The following COL20A1 variants were observed in gnomAD, a reference collection of about 807,000 sequenced individuals.
The protein encoded by COL20A1 is collagen type XX alpha 1 chain, also known as collagen alpha-1(XX) chain.
In COL20A1, 164 loss-of-function variants were observed where a neutral mutation model predicts 152.9. The observed-to-expected ratio is 1.07, with a 90% CI of 0.94 to 1.22. The LOEUF (loss-of-function observed/expected upper bound fraction) is 1.22, where lower values mean the gene tolerates loss of function less well. COL20A1 is among the 50% of genes most tolerant of loss of function. The pLI is 0.00. For missense variants in COL20A1, 1,873 were observed against 1,744.8 expected (o/e 1.07, Z -1.31); for synonymous variants, 864 against 756.0 (o/e 1.14, Z -2.34).
chr20:63,325,277 CG>C, intron 27 of COL20A1, 163 bp from the exon 28 acceptor site: 1 of 714,962 alleles, frequency 1.4e-6, no homozygotes, highest in South Asian at 1.5e-5. Flanking sequence ...AGGGAGAGCC[CG>C]GGCCACCCGG....
chr20:63,302,830 C>T (rs1373919704), intron 3 of COL20A1, among the ~76,000 whole-genome samples: 3 of 152,168 alleles, frequency 2.0e-5, no homozygotes, highest in Admixed American at 6.5e-5. Flanking sequence ...TTTGGGGAGC[C>T]GTTTAGCTCG....
At chr20:63,330,415 G>A (rs1282569202) in intron 35 of COL20A1, among the ~76,000 whole-genome samples, 1 of 152,130 alleles carries the variant, frequency 6.6e-6, no homozygotes, top group Non-Finnish European at 1.5e-5. Flanking sequence ...CTCCTGGTAA[G>A]GCTGGGGCAA....
chr20:63,307,041 C>T (rs2067934599), intron 5 of COL20A1, among the ~76,000 whole-genome samples: 1 of 152,238 alleles, frequency 6.6e-6, no homozygotes, highest in Admixed American at 6.5e-5. Flanking sequence ...GGGTCTGGCC[C>T]TGGCTCTGGG....
chr20:63,314,745 T>C (rs1271893901), intron 19 of COL20A1, among the ~76,000 whole-genome samples: 3 of 151,848 alleles, frequency 2.0e-5, no homozygotes, highest in Admixed American at 6.6e-5. Flanking sequence ...CAAACCCAAG[T>C]CCCTGGGCCC....
At chr20:63,296,831 C>T (rs892665547) in intron 2 of COL20A1, among the ~76,000 whole-genome samples, 1 of 152,168 alleles carries the variant, frequency 6.6e-6, no homozygotes, top group Non-Finnish European at 1.5e-5. Flanking sequence ...GTGTCTGCCC[C>T]AGTGCCCCCC....
At chr20:63,312,202 G>C (rs1163411294) in intron 14 of COL20A1, 147 bp downstream of exon 14, 1 of 1,150,838 alleles carries the variant, frequency 8.7e-7, no homozygotes, top group African/African-American at 1.6e-5. Flanking sequence ...TGTGGGGGCA[G>C]ATGTGGGTGT....
rs547327761 is a variant in COL20A1, at chr20:63,312,639, C to A, written c.1933+90C>A. 6.1e-6 allele frequency: 9 copies of A among 1,481,272 alleles called. No individual in the cohort carries two copies. In the South Asian group the frequency reaches 8.0e-5, roughly 13 times the overall value. The allele number at this position is 1,481,272 out of a possible 1,614,324, so 91.8% of individuals were successfully genotyped here. A position where few individuals can be genotyped will look rare whatever the true frequency, so the allele number is the denominator to read the frequency against. ...CAGTTCACATCAAGTGTTTTGGGAG[C>A]CTGCCCTGGGTCAGTGCTGAGCCAG... On this transcript the variant is annotated intron_variant, in intron 15 of 35. Coordinates refer to ENST00000358894, the MANE Select transcript of COL20A1 (RefSeq NM_020882.4).
chr20:63,297,730 A>G (rs965505051), intron 2 of COL20A1, among the ~76,000 whole-genome samples, 180 bp from the exon 3 acceptor site: 1 of 152,222 alleles, frequency 6.6e-6, no homozygotes, highest in African/African-American at 2.4e-5. Context: ...GAGGCCTCGT[A>G]TCCCCAAGTG....
rs562886422 is a variant in COL20A1 at position 63,321,076 on chromosome 20, C to A, written c.3217C>A (p.Pro1073Thr). 6.3e-7 allele frequency: 1 copy of A among 1,599,924 alleles called. No individual in the cohort carries two copies. Among genetic ancestry groups the A allele is most frequent in the Non-Finnish European group, 8.5e-7 (1 of 1,173,686 alleles). The change falls in exon 26 of 36, where the codon CCC becomes ACC. Residue 1073 changes from proline to threonine, a missense_variant. Physicochemically the swap from Pro to Thr is conservative, Grantham distance 38. Transcript: ENST00000358894. ...ACSCSSETPG[P>T]PGPQGPPGLP... is the part of the protein sequence containing the mutation. ...TTCCTGTTCCTCAGAGACCCCTGGGCCCCCAGGACCTCAAGGACCCCCAGT... is the reference window on the plus strand; with the variant it reads ...TTCCTGTTCCTCAGAGACCCCTGGGACCCCAGGACCTCAAGGACCCCCAGT...
In COL20A1 at chr20:63,295,090, T is replaced by TGCCACAGCCCGAGC. The variant is rs1227433735; in HGVS notation, c.-10-7_-4dup. 1.3e-6 allele frequency: 2 copies of TGCCACAGCCCGAGC among 1,539,554 alleles called. No homozygotes were observed. Among genetic ancestry groups the TGCCACAGCCCGAGC allele is most frequent in the Non-Finnish European group, 1.8e-6 (2 of 1,139,926 alleles). ...CGGCTGAAGGGCATGGCCTCTTCCC[T>TGCCACAGCCCGAGC]GCCACAGCCCGAGCACCATGAGCTC... On this transcript the variant is annotated splice_region_variant and splice_polypyrimidine_tract_variant and intron_variant, in intron 1 of 35. Transcript: ENST00000358894.
At chr20:63,325,577 G>T in intron 28 of COL20A1, 83 bp downstream of exon 28, 1 of 1,538,044 alleles carries the variant, frequency 6.5e-7, no homozygotes, top group East Asian at 2.3e-5. Context: ...TGCCTGGGGG[G>T]CACAGGGGTT....
intron 27 of COL20A1, chr20:63,324,602 C>T (rs544129951): frequency 1.3e-5 from 2 of 152,514 alleles, no homozygotes; most frequent in African/African-American, 4.8e-5. Flanking sequence ...TGTAGGATAT[C>T]CCTAAATACT....
chr20:63,308,987 A>G (rs949958719), intron 8 of COL20A1, among the ~76,000 whole-genome samples: 8 of 151,216 alleles, frequency 5.3e-5, no homozygotes, highest in African/African-American at 2.0e-4. Flanking sequence ...GAGCAGCTCC[A>G]GCTGCCCCCT....
chr20:63,317,659 C>T (rs1457846313), intron 21 of COL20A1, among the ~76,000 whole-genome samples: 1 of 152,074 alleles, frequency 6.6e-6, no homozygotes, highest in Non-Finnish European at 1.5e-5. Context: ...CCCTGGTCAC[C>T]ACGGTGTCTT....
chr20:63,325,784 C>G, intron 29 of COL20A1, 63 bp downstream of exon 29: 1 of 1,459,542 alleles, frequency 6.9e-7, no homozygotes, highest in Non-Finnish European at 9.5e-7. Context: ...GGACGGGGGG[C>G]CTTGGAGATG....
chr20:63,321,177 C>A, intron 26 of COL20A1, 78 bp downstream of exon 26: 1 of 930,960 alleles, frequency 1.1e-6, no homozygotes, highest in East Asian at 2.6e-5. Context: ...ATGTGTAACC[C>A]AGGCCCTCCC....
At chr20:63,307,824 C>G (rs1234854297) in intron 6 of COL20A1, 147 bp from the exon 7 acceptor site, 2 of 1,188,086 alleles carry the variant, frequency 1.7e-6, no homozygotes. Flanking sequence ...GGCCCTGGCT[C>G]TGCAAGCGTC....
intron 5 of COL20A1, among the ~76,000 whole-genome samples, 170 bp from the exon 6 acceptor site, chr20:63,307,320 C>T (rs764847875): frequency 1.6e-4 from 24 of 152,230 alleles, no homozygotes; most frequent in Non-Finnish European, 2.5e-4. Flanking sequence ...GCAGCCGTGC[C>T]GGTGTGGGGC....
intron 1 of COL20A1, among the ~76,000 whole-genome samples, chr20:63,294,015 CAG>C (rs1601395303): frequency 7.0e-6 from 1 of 142,480 alleles, no homozygotes; most frequent in Non-Finnish European, 1.5e-5. Context: ...CAGCTCAGCA[CAG>C]AGGGGTAGGG....
Sources: allele counts gnomAD v4.1 joint callset (sites outside exome capture counted in the v4.1 genomes callset), GRCh38; gene constraint gnomAD v4.1.1; transcripts MANE v1.5; gene names NCBI Gene and HGNC (gene_info 2026-07-23, HGNC 2026-07-21).